The following AP1B1 variants were observed in gnomAD, a reference collection of about 807,000 sequenced individuals.
The protein encoded by AP1B1 is adaptor related protein complex 1 subunit beta 1, also known as AP-1 complex subunit beta-1.
AP1B1 carries 36 observed loss-of-function variants against 104.3 expected under a neutral mutation model. That is an observed-to-expected ratio of 0.35 (90% CI 0.26 to 0.46). The LOEUF (loss-of-function observed/expected upper bound fraction) is 0.46, where lower values mean the gene tolerates loss of function less well. AP1B1 is among the 20% of genes least tolerant of loss of function. The pLI is 1.00. For synonymous variants in AP1B1, 504 were observed against 517.5 expected, an observed-to-expected ratio of 0.97 and a Z score of 0.35; for missense variants, 901 against 1,247.9, an observed-to-expected ratio of 0.72 and a Z score of 4.19.
chr22:29,335,923 G>A (rs913792302), intron 16 of AP1B1, among the ~76,000 whole-genome samples: 4 of 152,144 alleles, frequency 2.6e-5, no homozygotes, highest in Non-Finnish European at 5.9e-5. Flanking sequence ...GAACCTGACC[G>A]GGGGGCATGG....
chr22:29,383,536 C>T (rs2062470661), intron 1 of AP1B1, among the ~76,000 whole-genome samples: 1 of 151,800 alleles, frequency 6.6e-6, no homozygotes, highest in Non-Finnish European at 1.5e-5. Flanking sequence ...CGGTGAAACC[C>T]CGTCTTTATT....
At chr22:29,381,156 C>G (rs924279316) in intron 1 of AP1B1, among the ~76,000 whole-genome samples, 1 of 152,168 alleles carries the variant, frequency 6.6e-6, no homozygotes, top group African/African-American at 2.4e-5. Context: ...CTCTTTAGGT[C>G]TTGGCTCAAA....
intron 1 of AP1B1, among the ~76,000 whole-genome samples, chr22:29,372,801 T>A (rs2062263237): frequency 6.6e-6 from 1 of 152,146 alleles, no homozygotes; most frequent in South Asian, 2.1e-4. Flanking sequence ...TAAAATGAAT[T>A]TATATCTATT....
intron 2 of AP1B1, among the ~76,000 whole-genome samples, chr22:29,364,302 T>A (rs568646234): frequency 6.6e-6 from 1 of 152,256 alleles, no homozygotes; most frequent in Non-Finnish European, 1.5e-5. Context: ...TCTGAAGAAC[T>A]TCATGACATG....
chr22:29,332,026 A>G (rs1400872874), intron 17 of AP1B1, 110 bp from the exon 18 acceptor site: 4 of 1,162,974 alleles, frequency 3.4e-6, no homozygotes, highest in Non-Finnish European at 3.6e-6. Context: ...GGAGCCTCTC[A>G]CCGTGCCAGC....
rs766717374 is a variant in AP1B1, at chr22:29,349,247, G to A, written c.1408C>T (p.Leu470Phe). ...GTGCTCTCGTCATGGAAGCCCTCGAGGAAGCTCTCCAGCAGCTCATCTGCG... is the reference window on the plus strand; with the variant it reads ...GTGCTCTCGTCATGGAAGCCCTCGAAGAAGCTCTCCAGCAGCTCATCTGCG... ...DNADELLESF[L>F]EGFHDESTQV... The change falls in exon 11 of 23, where the codon CTC (leucine) becomes TTC (phenylalanine). Residue 470 changes from leucine to phenylalanine, a missense_variant. This residue lies in a region of AP1B1 where 471 missense variants were observed against 696.7 expected (regional missense o/e 0.68). Coordinates refer to ENST00000357586, the MANE Select transcript of AP1B1 (RefSeq NM_001127.4). 2.5e-6 allele frequency: 4 copies of A among 1,613,592 alleles called. No individual in the cohort carries two copies. Among genetic ancestry groups the A allele is most frequent in the Non-Finnish European group, 3.4e-6 (4 of 1,180,048 alleles).
chr22:29,345,441 G>C (rs2061777959), intron 11 of AP1B1, among the ~76,000 whole-genome samples: 2 of 142,690 alleles, frequency 1.4e-5, no homozygotes, highest in South Asian at 4.5e-4. Context: ...GTGTGATCTT[G>C]ACTCACTGCA....
Position 29,339,793 on chromosome 22 carries a change from A to G in AP1B1, c.1999-19T>C. On this transcript the variant is annotated intron_variant, in intron 14 of 22. Transcript: ENST00000357586. ...CCCCCATCTCCAAGCAGAAGCAGGCAGGTGAAGAGAACAGGCAGCCACATG... is the reference window on the plus strand; with the variant it reads ...CCCCCATCTCCAAGCAGAAGCAGGCGGGTGAAGAGAACAGGCAGCCACATG... 6.2e-7 allele frequency: 1 copy of G among 1,605,372 alleles called. No individual in the cohort carries two copies. Among genetic ancestry groups the G allele is most frequent in the South Asian group, 1.1e-5 (1 of 89,546 alleles).
intron 16 of AP1B1, among the ~76,000 whole-genome samples, chr22:29,337,000 A>C (rs6006097): frequency 2.6e-5 from 4 of 151,982 alleles, no homozygotes; most frequent in African/African-American, 9.7e-5. Context: ...GGTGAGTACG[A>C]GTTGGCCTCA....
intron 15 of AP1B1, 24 bp downstream of exon 15, chr22:29,339,730 G>T (rs2061686913): frequency 1.2e-6 from 2 of 1,608,828 alleles, no homozygotes; most frequent in East Asian, 4.5e-5. Context: ...ACGAAGGCTT[G>T]GTGACGCAAG....
intron 7 of AP1B1, among the ~76,000 whole-genome samples, chr22:29,354,243 G>A (rs1243105981): frequency 1.3e-5 from 2 of 152,212 alleles, no homozygotes; most frequent in Non-Finnish European, 2.9e-5. Context: ...ACAGCTCGTG[G>A]ACTATGAAGA....
intron 4 of AP1B1, 118 bp downstream of exon 4, chr22:29,359,706 G>T: frequency 7.4e-7 from 1 of 1,347,414 alleles, no homozygotes; most frequent in Non-Finnish European, 1.0e-6. Context: ...CTGGGCGGGC[G>T]CGGGCAGTCT....
chr22:29,382,528 C>T (rs1023442194), intron 1 of AP1B1, among the ~76,000 whole-genome samples: 24 of 151,786 alleles, frequency 1.6e-4, no homozygotes, highest in Non-Finnish European at 1.5e-5. Context: ...GGAAAGAGAC[C>T]GTAAGCAAGA....
chr22:29,350,234 CT>C (rs1182729951), intron 9 of AP1B1, 84 bp from the exon 10 acceptor site: 12 of 992,972 alleles, frequency 1.2e-5, no homozygotes, highest in Non-Finnish European at 1.9e-5. Flanking sequence ...CGGCCAAGGG[CT>C]GCAAATCACT....
rs142776874 is a variant in AP1B1 at position 29,345,657 on chromosome 22, G to A, written c.1438-3274C>T. 2.0e-4 allele frequency among the ~76,000 whole-genome samples: 30 copies of A among 150,332 alleles called. 1 individual carries two copies. The East Asian group carries it at 3.1e-3, about 16-fold the overall frequency. ...AGTGCTGGGGTTACAGGCGTGAGCC[G>A]CTGCACCCAGTTAACAAGTTTTGTT... On this transcript the variant is annotated intron_variant, in intron 11 of 22. Coordinates refer to ENST00000357586, the MANE Select transcript of AP1B1 (RefSeq NM_001127.4).
At chr22:29,375,058 T>C (rs1216963334) in intron 1 of AP1B1, among the ~76,000 whole-genome samples, 3 of 152,100 alleles carry the variant, frequency 2.0e-5, no homozygotes. Flanking sequence ...TGCAAAAGAA[T>C]AGGCAGTTCT....
intron 15 of AP1B1, among the ~76,000 whole-genome samples, 181 bp from the exon 16 acceptor site, chr22:29,339,314 G>A (rs1001204944): frequency 2.6e-5 from 4 of 152,168 alleles, no homozygotes; most frequent in Non-Finnish European, 4.4e-5. Flanking sequence ...GAGAGGCTGA[G>A]CCCTCCCGTG....
At chr22:29,345,983 C>T (rs2061787038) in intron 11 of AP1B1, among the ~76,000 whole-genome samples, 1 of 152,168 alleles carries the variant, frequency 6.6e-6, no homozygotes, top group South Asian at 2.1e-4. Flanking sequence ...TGTGCCTGGC[C>T]CTAACAAGTA....
At chr22:29,340,059 G>A (rs1471795082) in intron 14 of AP1B1, among the ~76,000 whole-genome samples, 4 of 151,952 alleles carry the variant, frequency 2.6e-5, no homozygotes, top group East Asian at 1.9e-4. Context: ...TGCTGCCACC[G>A]TGCGGACCTG....
Sources: gnomAD v4.1 joint callset for allele counts (sites outside exome capture counted in the v4.1 genomes callset) on GRCh38, gnomAD v4.1.1 for gene constraint, gnomAD v4.1.1 regional missense constraint, MANE v1.5 for transcripts, NCBI Gene and HGNC (gene_info 2026-07-23, HGNC 2026-07-21) for gene names.